The following PRKD2 variants were observed in gnomAD, a reference collection of about 807,000 sequenced individuals.
PRKD2 encodes the protein protein kinase D2.
Under a neutral mutation model 86.0 loss-of-function variants are expected in PRKD2, and 22 were observed. That is an observed-to-expected ratio of 0.26 (90% confidence interval 0.18 to 0.37). The LOEUF (loss-of-function observed/expected upper bound fraction) is 0.37. Among genes scored for constraint, PRKD2 ranks in the 10% least tolerant of loss-of-function variants. The probability of loss-of-function intolerance (pLI) is 1.00; values close to 1 mark genes in which losing one functional copy is unlikely to be tolerated. For missense variants in PRKD2, 818 were observed against 1,199.2 expected, an observed-to-expected ratio of 0.68 and a Z score of 4.70; for synonymous variants, 509 against 510.9, an observed-to-expected ratio of 1.00 and a Z score of 0.05.
Position 46,708,335 on chromosome 19 carries a change from T to TTTC in PRKD2, c.511+2571_511+2572insGAA, listed in dbSNP as rs1555831673. ...TTTTTTTTTTTTTTTTTTTTTTTTT[T>TTTC]CTGAGACAATCGTGTTCTGTCACCT... On this transcript the variant is annotated intron_variant, in intron 3 of 17. Coordinates refer to ENST00000291281, the MANE Select transcript of PRKD2 (RefSeq NM_016457.5). Among the ~76,000 whole-genome samples, 5 of 106,520 alleles carry TTTC rather than the reference T, an allele frequency of 4.7e-5. 1 individual carries two copies. Among genetic ancestry groups the TTTC allele is most frequent in the African/African-American group, 7.8e-5 (2 of 25,498 alleles). 69.9% of individuals were successfully genotyped at this position (106,520 alleles called of 152,430 possible).
intron 14 of PRKD2, chr19:46,685,968 A>C (rs1020457211): frequency 6.6e-6 from 1 of 152,116 alleles, no homozygotes; most frequent in Non-Finnish European, 1.5e-5. Context: ...TAAATAATAA[A>C]GTCTGGATGA....
chr19:46,680,948 T>A (rs866989635), intron 15 of PRKD2, among the ~76,000 whole-genome samples: 1,002 of 26,394 alleles, frequency 0.038, 21 homozygotes, highest in Middle Eastern at 0.088. Context: ...ATATATATAT[T>A]TTTTTTTTTT....
chr19:46,716,507 G>C lies in PRKD2; in HGVS notation c.-137C>G. On this transcript the variant is annotated 5_prime_UTR_variant, in exon 1 of 18. Transcript: ENST00000291281. The surrounding 1 kb of genome is among the most constrained non-coding windows in gnomAD (Gnocchi z 7.9). ...CGGGGATCCGAGAAAAGATCTGGCA[G>C]GCGGAGGGGACCTGAGGATGGCGGG... is the stretch of plus-strand genomic sequence containing the variant. 1 of 522,374 alleles carries C rather than the reference G, an allele frequency of 1.9e-6. No individual in the cohort carries two copies. Among genetic ancestry groups the C allele is most frequent in the Non-Finnish European group, 3.3e-6 (1 of 303,674 alleles). 32.4% of individuals were successfully genotyped at this position (522,374 alleles called of 1,614,324 possible).
At chr19:46,683,442 C>T (rs1267337546) in intron 14 of PRKD2, among the ~76,000 whole-genome samples, 1 of 152,124 alleles carries the variant, frequency 6.6e-6, no homozygotes, top group African/African-American at 2.4e-5. Flanking sequence ...AAAACTTTGG[C>T]TGGGCATGGT....
intron 5 of PRKD2, among the ~76,000 whole-genome samples, chr19:46,703,547 G>A (rs900760859): frequency 6.6e-6 from 1 of 152,072 alleles, no homozygotes. Context: ...CGAGGCAGGT[G>A]GATCACAAGG....
chr19:46,690,944 G>A (rs1016314927), intron 12 of PRKD2, among the ~76,000 whole-genome samples: 1 of 152,176 alleles, frequency 6.6e-6, no homozygotes, highest in Admixed American at 6.6e-5. Context: ...TGTATAACAT[G>A]GGAAACTGGA....
At chr19:46,688,476 C>T (rs927685289) in intron 14 of PRKD2, among the ~76,000 whole-genome samples, 1 of 149,116 alleles carries the variant, frequency 6.7e-6, no homozygotes, top group African/African-American at 2.5e-5. Flanking sequence ...CACTCTTGTC[C>T]CCCAGGCTGG....
At position 46,701,025 on chromosome 19, in the gene PRKD2, AG is replaced by A; in HGVS notation, c.967+9del. 1 of 1,613,918 alleles carries A rather than the reference AG, an allele frequency of 6.2e-7. No homozygotes were observed. ...TCCCCTTTCTCCCCAGCATCCCCCC[AG>A]CCTCTCACCTCCATTGATAAGGGCC... is the stretch of plus-strand genomic sequence containing the variant. On this transcript the variant is annotated intron_variant, in intron 6 of 17. Transcript: ENST00000291281.
At chr19:46,679,011 T>C (rs577182677) in intron 15 of PRKD2, among the ~76,000 whole-genome samples, 7 of 152,186 alleles carry the variant, frequency 4.6e-5, no homozygotes, top group Non-Finnish European at 1.0e-4. Context: ...GGTCGCTGTT[T>C]CCTCTTTTGA....
In PRKD2 at chr19:46,678,497, C is replaced by G; in HGVS notation, c.2237G>C (p.Ser746Thr). The G allele has an allele frequency of 6.2e-7, 1 of 1,614,234 alleles. No homozygotes were observed. Among genetic ancestry groups the G allele is most frequent in the Non-Finnish European group, 8.5e-7 (1 of 1,180,042 alleles). ...ATCCTCGTTGAAAGGGAAGGTGCCG[C>G]TGAGGCTGACGTACATGATCACGCC... ...SVGVIMYVSL[S>T]GTFPFNEDED... is the part of the protein sequence containing the mutation. The change falls in exon 16 of 18, where the codon AGC becomes ACC. Residue 746 changes from serine (S) to threonine (T), a missense_variant. Transcript: ENST00000291281. This position sits in a 1 kb window ranked among gnomAD's most constrained non-coding sequence, Gnocchi z 5.7.
chr19:46,674,654 G>A lies in PRKD2; in HGVS notation c.2506C>T (p.Arg836Cys), dbSNP rs201625972. Residue 836 changes from arginine to cysteine, a missense_variant, in exon 18 of 18, where the codon CGC (arginine) becomes TGC (cysteine). Arg to Cys is a radical substitution (Grantham distance 180). Coordinates refer to ENST00000291281, the MANE Select transcript of PRKD2 (RefSeq NM_016457.5). ...TGCTCTGCTGCAAACTGCTCCCAGC[G>A]CGCGTCGTCACTCTCATGCGTGATG... Reference protein sequence around the residue: ...RYITHESDDARWEQFAAEHPL... With the variant: ...RYITHESDDACWEQFAAEHPL... The A allele has an allele frequency of 5.4e-5, 86 of 1,606,770 alleles. No homozygotes were observed. Among genetic ancestry groups the A allele is most frequent in the African/African-American group, 1.6e-4 (12 of 74,792 alleles).
chr19:46,678,534 T>G lies in PRKD2; in HGVS notation c.2200A>C (p.Met734Leu). Residue 734 changes from methionine to leucine, a missense_variant, in exon 16 of 18, where the codon ATG (methionine) becomes CTG (leucine). Around this residue, in one of 5 missense-constraint regions of PRKD2, gnomAD observed 154 missense variants for 359.6 expected, o/e 0.43. Transcript: ENST00000291281. This position sits in a 1 kb window ranked among gnomAD's most constrained non-coding sequence, Gnocchi z 5.7. ...TACATGATCACGCCCACTGACCACA[T>G]GTCCAGCGAGCGGTTGTAGCCCTGG... ...LNQGYNRSLD[M>L]WSVGVIMYVS... 6.2e-7 allele frequency: 1 copy of G among 1,614,214 alleles called. No individual in the cohort carries two copies. Among genetic ancestry groups the G allele is most frequent in the Non-Finnish European group, 8.5e-7 (1 of 1,180,024 alleles).
At chr19:46,676,883 A>C (rs940690044) in intron 16 of PRKD2, among the ~76,000 whole-genome samples, 8 of 152,086 alleles carry the variant, frequency 5.3e-5, no homozygotes, top group Admixed American at 6.6e-5. Flanking sequence ...AACATGGCGA[A>C]ACCCTGTCTC....
rs1374831595 is a variant in PRKD2, at chr19:46,678,672, G to A, written c.2071-9C>T. The stretch of plus-strand genomic sequence containing the variant: ...AAGTCACACAGCTTCACCTGCAGAG[G>A]GCAAGGGATGGAGGCTCCACCAGGT... On this transcript the variant is annotated splice_polypyrimidine_tract_variant and intron_variant, in intron 15 of 17. Transcript: ENST00000291281. The surrounding 1 kb of genome is among the most constrained non-coding windows in gnomAD (Gnocchi z 5.7). 1 of 1,598,894 alleles carries A rather than the reference G, an allele frequency of 6.3e-7. No homozygotes were observed.
At chr19:46,692,454 C>T (rs2053497222) in intron 10 of PRKD2, among the ~76,000 whole-genome samples, 2 of 152,038 alleles carry the variant, frequency 1.3e-5, no homozygotes, top group Non-Finnish European at 2.9e-5. Context: ...CTCTCTCTTC[C>T]ACCAGTCTAG....
At chr19:46,681,598 C>CCCCCACACA in intron 15 of PRKD2, 52 bp downstream of exon 15, 1 of 969,336 alleles carries the variant, frequency 1.0e-6, no homozygotes, top group Non-Finnish European at 1.5e-6. Flanking sequence ...ACCCCCACCC[C>CCCCCACACA]GGCCATCAGT....
intron 1 of PRKD2, chr19:46,714,477 T>TGGGGGGGGGGGGGG (rs567281554): frequency 7.3e-5 from 3 of 40,944 alleles, no homozygotes; most frequent in Admixed American, 5.1e-4. Context: ...CCTGGGAAAG[T>TGGGGGGGGGGGGGG]GGGGGGGGGG....
rs1360030235 is a variant in PRKD2, at chr19:46,693,770, C to T, written c.1576+105G>A. 2.0e-6 allele frequency: 3 copies of T among 1,463,486 alleles called. No homozygotes were observed. The African/African-American group carries it at 4.2e-5, about 21-fold the overall frequency. 90.7% of individuals were successfully genotyped at this position (1,463,486 alleles called of 1,614,324 possible). ...CTGCTGAGTCCAGAAGCTGCGTTCT[C>T]AACCCCACCATTGCCCACTTTCCTC... On this transcript the variant is annotated intron_variant, in intron 10 of 17. Transcript: ENST00000291281. The surrounding 1 kb of genome is among the most constrained non-coding windows in gnomAD (Gnocchi z 4.5).
At chr19:46,708,979 T>G (rs1490595271) in intron 3 of PRKD2, among the ~76,000 whole-genome samples, 2 of 98,962 alleles carry the variant, frequency 2.0e-5, no homozygotes, top group African/African-American at 6.8e-5. Context: ...GTGGTTTTTT[T>G]TTTTTTTTTT....
Sources: allele counts gnomAD v4.1 joint callset (sites outside exome capture counted in the v4.1 genomes callset), GRCh38; gene constraint gnomAD v4.1.1; regional missense constraint gnomAD v4.1.1; non-coding constraint Gnocchi (gnomAD v3.1); transcripts MANE v1.5; gene names NCBI Gene and HGNC (gene_info 2026-07-23, HGNC 2026-07-21).